ZNF570: variants seen among roughly 807,000 people sequenced by gnomAD.
The protein encoded by ZNF570 is zinc finger protein 570.
Under a neutral mutation model 14.2 loss-of-function variants are expected in ZNF570, and 8 were observed. The observed-to-expected ratio is 0.56, with a 90% CI of 0.33 to 1.02. The LOEUF (loss-of-function observed/expected upper bound fraction) is 1.02. Ranked by LOEUF, ZNF570 falls within the 50% of genes least tolerant of loss-of-function variation. The probability of loss-of-function intolerance (pLI) is 0.03; values close to 1 mark genes in which losing one functional copy is unlikely to be tolerated. For missense variants in ZNF570, 559 were observed against 624.9 expected (o/e 0.89, Z 1.12); for synonymous variants, 202 against 207.6 (o/e 0.97, Z 0.23).
intron 4 of ZNF570, among the ~76,000 whole-genome samples, chr19:37,482,847 TTC>T (rs148483911): frequency 1.4e-3 from 198 of 138,678 alleles, no homozygotes; most frequent in African/African-American, 3.3e-3. Flanking sequence ...CTCTCTTTCT[TTC>T]TCTCTCTCTC....
At position 37,484,489 on chromosome 19, in the gene ZNF570, A is replaced by G; in HGVS notation, c.867A>G (p.Leu289=). The G allele has an allele frequency of 6.2e-7, 1 of 1,613,820 alleles. No individual in the cohort carries two copies. The highest frequency in any genetic ancestry group is 8.5e-7 in the Non-Finnish European group (1 of 1,179,898). ...CRKAFSQNAH[L]VQHLRVHTGE... The stretch of plus-strand genomic sequence containing the variant: ...AAGCCTTCAGTCAGAATGCACACCT[A>G]GTTCAACATCTGCGAGTTCATACTG... The change falls in exon 5 of 5, where the codon CTA becomes CTG. Residue 289 remains leucine, a synonymous_variant. Transcript: ENST00000330173.
chr19:37,472,558 T>C (rs1178118368), intron 2 of ZNF570, among the ~76,000 whole-genome samples: 1 of 151,814 alleles, frequency 6.6e-6, no homozygotes, highest in East Asian at 1.9e-4. Flanking sequence ...CAGACCAACA[T>C]GCAGAAACCC....
At chr19:37,468,962 C>A, upstream of ZNF570, 1 of 784,234 alleles carries the variant, frequency 1.3e-6, no homozygotes, top group Non-Finnish European at 1.5e-6. Context: ...GCGCCACTAG[C>A]GCGTTCCCAC....
Position 37,469,576 on chromosome 19 carries a change from G to A in ZNF570, c.-52+19G>A, listed in dbSNP as rs762642401. On this transcript the variant is annotated intron_variant, in intron 1 of 4. Transcript: ENST00000330173. Reference sequence around the variant, plus strand: ...AGTGGAGGTTGGTACCGTTCAGTGCGAGGCTGTCACCCCGTGTGCCTGTCC... The same window carrying A: ...AGTGGAGGTTGGTACCGTTCAGTGCAAGGCTGTCACCCCGTGTGCCTGTCC... 6.5e-7 allele frequency: 1 copy of A among 1,535,202 alleles called. No individual in the cohort carries two copies.
At position 37,486,463 on chromosome 19, in the gene ZNF570, T is replaced by C. The variant is rs1003652454; in HGVS notation, c.*1230T>C. The C allele has an allele frequency of 6.6e-6, 1 of 152,232 alleles. No individual in the cohort carries two copies. The highest frequency in any genetic ancestry group is 1.5e-5 in the Non-Finnish European group (1 of 68,034). The allele number at this position is 152,232 out of a possible 1,614,324, so 9.4% of individuals were successfully genotyped here. ...AGAAATTTGCATGTAAAATACTTCATATAGTCTGTCAAATATAGCAGATAT... is the reference window on the plus strand; with the variant it reads ...AGAAATTTGCATGTAAAATACTTCACATAGTCTGTCAAATATAGCAGATAT... On this transcript the variant is annotated 3_prime_UTR_variant, in exon 5 of 5. Transcript: ENST00000330173.
rs767965206 is a variant in ZNF570 at position 37,484,537 on chromosome 19, G to C, written c.915G>C (p.Lys305Asn). ...VHTGEKPYEC[K>N]VCRKAFSQFA... ...CTGGAGAAAAACCTTACGAATGTAAGGTATGTCGAAAAGCCTTCAGCCAGT... is the reference window on the plus strand; with the variant it reads ...CTGGAGAAAAACCTTACGAATGTAACGTATGTCGAAAAGCCTTCAGCCAGT... Residue 305 changes from lysine to asparagine, a missense_variant, in exon 5 of 5, where the codon AAG (lysine) becomes AAC (asparagine). By Grantham distance (94) the Lys-to-Asn change is moderately conservative (BLOSUM62 0). Coordinates refer to ENST00000330173, the MANE Select transcript of ZNF570 (RefSeq NM_144694.5). 6 of 1,613,758 alleles carry C rather than the reference G, an allele frequency of 3.7e-6. No homozygotes were observed. Among genetic ancestry groups the C allele is most frequent in the Non-Finnish European group, 4.2e-6 (5 of 1,179,916 alleles).
chr19:37,469,829 C>T (rs1386936093), intron 1 of ZNF570, among the ~76,000 whole-genome samples: 1 of 152,210 alleles, frequency 6.6e-6, no homozygotes, highest in Non-Finnish European at 1.5e-5. Context: ...TGGCCTCTGA[C>T]TGTGGCGTGG....
intron 4 of ZNF570, among the ~76,000 whole-genome samples, chr19:37,477,288 CGTGTGTGTGTGTGTGTGTGTGTGTGT>C (rs71177457): frequency 3.5e-5 from 4 of 115,466 alleles, no homozygotes; most frequent in African/African-American, 1.0e-4. Context: ...GGGAGGTTGT[CGTGTGTGTGTGTGTGTGTGTGTGTGT>C]GTGTGTGTGT....
At chr19:37,472,199 C>T (rs1033960464) in intron 2 of ZNF570, among the ~76,000 whole-genome samples, 15 of 152,190 alleles carry the variant, frequency 9.9e-5, no homozygotes, top group Admixed American at 2.6e-4. Context: ...CCATCGCACT[C>T]GGCCCAGAGA....
Position 37,485,295 on chromosome 19 carries a change from G to A in ZNF570, c.*62G>A. 1 of 1,433,964 alleles carries A rather than the reference G, an allele frequency of 7.0e-7. No individual in the cohort carries two copies. The highest frequency in any genetic ancestry group is 9.2e-7 in the Non-Finnish European group (1 of 1,081,246). The allele number at this position is 1,433,964 out of a possible 1,614,324, so 88.8% of individuals were successfully genotyped here. A position where few individuals can be genotyped will look rare whatever the true frequency, so the allele number is the denominator to read the frequency against. ...TTTTTATCTTTAATGTTGTCACCTT[G>A]GTCTGATTCATCTCACTCTGATTAC... On this transcript the variant is annotated 3_prime_UTR_variant, in exon 5 of 5. Transcript: ENST00000330173.
At chr19:37,479,871 G>A (rs1184397426) in intron 4 of ZNF570, among the ~76,000 whole-genome samples, 2 of 152,028 alleles carry the variant, frequency 1.3e-5, no homozygotes, top group Non-Finnish European at 2.9e-5. Context: ...CTTGCTGTGT[G>A]TTTCTCTTAT....
At position 37,485,212 on chromosome 19, in the gene ZNF570, A is replaced by G. The variant is rs752457349; in HGVS notation, c.1590A>G (p.Pro530=). ...GGGAGTCACTGTCACCACCCAACCCAGTCAATCACCAAGTCCTATAGATCC... is the reference window on the plus strand; with the variant it reads ...GGGAGTCACTGTCACCACCCAACCCGGTCAATCACCAAGTCCTATAGATCC... The part of the protein sequence containing the change: ...HIGESLSPPN[P]VNHQVL Residue 530 remains proline, a synonymous_variant, in exon 5 of 5, where the codon CCA becomes CCG. Transcript: ENST00000330173. The G allele has an allele frequency of 1.3e-6, 2 of 1,554,660 alleles. No individual in the cohort carries two copies. The highest frequency in any genetic ancestry group is 2.0e-5 in the Admixed American group (1 of 49,972).
rs768827705 is a variant in ZNF570, at chr19:37,485,156, C to T, written c.1534C>T (p.His512Tyr). ...ECKKTFRQHA[H>Y]LAHHQRIHIG... is the part of the protein sequence containing the mutation. The stretch of plus-strand genomic sequence containing the variant: ...CAAAAAAACCTTCAGGCAGCATGCA[C>T]ACCTTGCTCATCACCAGAGAATTCA... Residue 512 changes from histidine (H) to tyrosine (Y), a missense_variant, in exon 5 of 5, where the codon CAC becomes TAC. Physicochemically the swap from His to Tyr is moderately conservative, Grantham distance 83. Coordinates refer to ENST00000330173, the MANE Select transcript of ZNF570 (RefSeq NM_144694.5). The T allele has an allele frequency of 3.7e-6, 6 of 1,603,424 alleles. No individual in the cohort carries two copies. The highest frequency in any genetic ancestry group is 2.2e-5 in the South Asian group (2 of 89,210).
chr19:37,475,770 C>T lies in ZNF570; in HGVS notation c.34-111C>T. On this transcript the variant is annotated intron_variant, in intron 2 of 4. Coordinates refer to ENST00000330173, the MANE Select transcript of ZNF570 (RefSeq NM_144694.5). The stretch of plus-strand genomic sequence containing the variant: ...AAGGCCCTGAGTACAAATATGATAA[C>T]ATGGTTACATATTTGAGGATGTAAT... 5.6e-6 allele frequency: 6 copies of T among 1,071,240 alleles called. No homozygotes were observed. The South Asian group carries it at 1.1e-4, about 19-fold the overall frequency. The allele number at this position is 1,071,240 out of a possible 1,614,324, so 66.4% of individuals were successfully genotyped here.
intron 4 of ZNF570, among the ~76,000 whole-genome samples, chr19:37,479,344 T>C (rs2147015777): frequency 6.6e-6 from 1 of 152,248 alleles, no homozygotes; most frequent in African/African-American, 2.4e-5. Context: ...AATTGTATTA[T>C]GGTTAGAGAA....
intron 2 of ZNF570, among the ~76,000 whole-genome samples, chr19:37,473,766 T>A (rs528042611): frequency 6.6e-6 from 1 of 152,060 alleles, no homozygotes. Context: ...GATATCGAAG[T>A]GACCAAAGAA....
Position 37,476,388 on chromosome 19 carries a change from A to G in ZNF570, c.210A>G (p.Lys70=), listed in dbSNP as rs753870734. ...PSVILLLEQG[K]APWMVKRELT... is the part of the protein sequence containing the mutation. ...TGATATTATTGTTGGAACAAGGAAA[A>G]GCACCCTGGATGGTGAAGAGAGAGC... is the stretch of plus-strand genomic sequence containing the variant. Residue 70 remains lysine (K), a synonymous_variant, in exon 4 of 5, where the codon AAA becomes AAG. Coordinates refer to ENST00000330173, the MANE Select transcript of ZNF570 (RefSeq NM_144694.5). 6.2e-7 allele frequency: 1 copy of G among 1,614,098 alleles called. No homozygotes were observed. Among genetic ancestry groups the G allele is most frequent in the South Asian group, 1.1e-5 (1 of 91,074 alleles).
chr19:37,468,190 G>T, upstream of ZNF570: 2 of 540,442 alleles, frequency 3.7e-6, no homozygotes, highest in South Asian at 2.5e-5. Context: ...GGGCTCAAGC[G>T]ATTCTCTGCC....
intron 2 of ZNF570, among the ~76,000 whole-genome samples, 175 bp from the exon 3 acceptor site, chr19:37,475,706 A>G (rs764992433): frequency 2.0e-5 from 3 of 152,194 alleles, no homozygotes; most frequent in Non-Finnish European, 2.9e-5. Flanking sequence ...TTGGGGTGGA[A>G]GCAGTGCTAT....
Sources: gnomAD v4.1 joint callset for allele counts (sites outside exome capture counted in the v4.1 genomes callset) on GRCh38, gnomAD v4.1.1 for gene constraint, MANE v1.5 for transcripts, NCBI Gene and HGNC (gene_info 2026-07-23, HGNC 2026-07-21) for gene names.